ZBTB46: variants seen among roughly 807,000 people sequenced by gnomAD.
ZBTB46 encodes zinc finger and BTB domain containing 46.
ZBTB46 carries 8 observed loss-of-function variants against 44.1 expected under a neutral mutation model. That is an observed-to-expected ratio of 0.18 (90% CI 0.11 to 0.33). The LOEUF (loss-of-function observed/expected upper bound fraction) is 0.33, where lower values mean the gene tolerates loss of function less well. Among genes scored for constraint, ZBTB46 ranks in the 10% least tolerant of loss-of-function variants. The pLI is 1.00. For missense variants in ZBTB46, 651 were observed against 847.7 expected (o/e 0.77, Z 2.88); for synonymous variants, 409 against 382.3 (o/e 1.07, Z -0.81).
At chr20:63,784,279 C>T (rs1357525163) in intron 2 of ZBTB46, among the ~76,000 whole-genome samples, 3 of 152,210 alleles carry the variant, frequency 2.0e-5, no homozygotes, top group South Asian at 2.1e-4. Context: ...CGAAGACCAC[C>T]CTACCCTGAG....
At chr20:63,759,713 T>G (rs1361548635) in intron 3 of ZBTB46, among the ~76,000 whole-genome samples, 3 of 152,196 alleles carry the variant, frequency 2.0e-5, no homozygotes, top group Non-Finnish European at 4.4e-5. Context: ...TGGGCGTCTG[T>G]GTATCGTTCC....
At chr20:63,793,914 C>T (rs1221659476) in intron 1 of ZBTB46, among the ~76,000 whole-genome samples, 4 of 152,104 alleles carry the variant, frequency 2.6e-5, no homozygotes, top group African/African-American at 4.8e-5. Context: ...AGGCCAGGCG[C>T]GGTGGCTCAC....
At chr20:63,831,762 G>A (rs902914523), upstream of ZBTB46, among the ~76,000 whole-genome samples, 7 of 150,674 alleles carry the variant, frequency 4.6e-5, no homozygotes, top group Non-Finnish European at 4.4e-5. Context: ...GGGGCGCGCG[G>A]GTGCCCAGGT....
At chr20:63,766,169 G>A (rs1013116597) in intron 3 of ZBTB46, among the ~76,000 whole-genome samples, 2 of 148,126 alleles carry the variant, frequency 1.4e-5, no homozygotes, top group Non-Finnish European at 3.0e-5. Flanking sequence ...TGCCCAGGTT[G>A]AGACATATCA....
rs923207958 is a variant in ZBTB46 at position 63,749,383 on chromosome 20, C to A, written c.1399-2082G>T. On this transcript the variant is annotated intron_variant, in intron 4 of 4. Coordinates refer to ENST00000245663, the MANE Select transcript of ZBTB46 (RefSeq NM_001369741.1). ...ACAGAGTCTCGCTCTGTCACCCAGG[C>A]TGGAGTGTAGTGTTGCCATCTCGGC... Among the ~76,000 whole-genome samples, 17 of 152,330 alleles carry A rather than the reference C, an allele frequency of 1.1e-4. No homozygotes were observed. In the Middle Eastern group the frequency reaches 0.01, roughly 91 times the overall value.
At chr20:63,776,539 C>G (rs1323210118) in intron 2 of ZBTB46, among the ~76,000 whole-genome samples, 1 of 152,204 alleles carries the variant, frequency 6.6e-6, no homozygotes, top group Non-Finnish European at 1.5e-5. Context: ...TGCGGTGGCT[C>G]AAGCCTGTGA....
chr20:63,796,464 ATCTC>A (rs905342493), intron 1 of ZBTB46, among the ~76,000 whole-genome samples: 5 of 152,344 alleles, frequency 3.3e-5, no homozygotes, highest in South Asian at 2.1e-4. Context: ...TTCACACTTG[ATCTC>A]TCTGTTTTGC....
chr20:63,831,520 C>T (rs1197372981), upstream of ZBTB46, among the ~76,000 whole-genome samples: 3 of 147,588 alleles, frequency 2.0e-5, no homozygotes, highest in South Asian at 6.3e-4. Flanking sequence ...CGCGGGCAGC[C>T]GGACAGCGGA....
In ZBTB46 at chr20:63,767,844, C is replaced by T. The variant is rs1244260237; in HGVS notation, c.1222+7834G>A. On this transcript the variant is annotated intron_variant, in intron 3 of 4. Transcript: ENST00000245663. The surrounding 1 kb of genome is among the most constrained non-coding windows in gnomAD (Gnocchi z 5.0). ...CCATCCAGGGCTGGGCAAGTCCATCCAGGCCTGGGCTGGAAGAAGACTCCT... is the reference window on the plus strand; with the variant it reads ...CCATCCAGGGCTGGGCAAGTCCATCTAGGCCTGGGCTGGAAGAAGACTCCT... The T allele has an allele frequency of 3.1e-6, 3 of 980,294 alleles. No homozygotes were observed. The African/African-American group carries it at 5.3e-5, about 17-fold the overall frequency. The allele number at this position is 980,294 out of a possible 1,614,324, so 60.7% of individuals were successfully genotyped here. A position where few individuals can be genotyped will look rare whatever the true frequency, so the allele number is the denominator to read the frequency against.
At chr20:63,759,769 G>C (rs571114823) in intron 3 of ZBTB46, among the ~76,000 whole-genome samples, 1 of 152,086 alleles carries the variant, frequency 6.6e-6, no homozygotes, top group South Asian at 2.1e-4. Flanking sequence ...TAACCAAAAG[G>C]TTAACTTTTT....
intron 1 of ZBTB46, among the ~76,000 whole-genome samples, chr20:63,816,033 A>AGGTGCGGTGGGTGCAGGTGCGGTGGGCG (rs1568902571): frequency 7.3e-6 from 1 of 136,626 alleles, no homozygotes; most frequent in African/African-American, 2.8e-5. Flanking sequence ...GCAGGTGGGC[A>AGGTGCGGTGGGTGCAGGTGCGGTGGGCG]CAGGTGCGGT....
At position 63,781,140 on chromosome 20, in the gene ZBTB46, C is replaced by CAA. The variant is rs58102231; in HGVS notation, c.938-5180_938-5179dup. Among the ~76,000 whole-genome samples the CAA allele has an allele frequency of 2.5e-3, 211 of 83,756 alleles. 1 individual carries two copies. Among genetic ancestry groups the CAA allele is most frequent in the Middle Eastern group, 8.6e-3 (1 of 116 alleles). 54.9% of individuals were successfully genotyped at this position (83,756 alleles called of 152,430 possible). ...TGGGTGGCAGAGCAAGACTCTGCCTCAAAAAAAAAAAAAAAAAAAAAAAGA... is the reference window on the plus strand; with the variant it reads ...TGGGTGGCAGAGCAAGACTCTGCCTCAAAAAAAAAAAAAAAAAAAAAAAAAGA... On this transcript the variant is annotated intron_variant, in intron 2 of 4. Coordinates refer to ENST00000245663, the MANE Select transcript of ZBTB46 (RefSeq NM_001369741.1).
In ZBTB46 at chr20:63,752,918, C is replaced by T; in HGVS notation, c.1223-57G>A. 1.3e-6 allele frequency: 2 copies of T among 1,527,874 alleles called. No homozygotes were observed. The highest frequency in any genetic ancestry group is 3.7e-5 in the Admixed American group (2 of 54,070). The allele number at this position is 1,527,874 out of a possible 1,614,324, so 94.6% of individuals were successfully genotyped here. ...GGGCTTGGGATGTACCGCCCTGCGG[C>T]CCACAGACCACGGCTGCACGCCGCA... is the stretch of plus-strand genomic sequence containing the variant. On this transcript the variant is annotated intron_variant, in intron 3 of 4. Transcript: ENST00000245663. The surrounding 1 kb of genome is among the most constrained non-coding windows in gnomAD (Gnocchi z 5.6).
chr20:63,821,473 C>G (rs1181094723), intron 1 of ZBTB46, among the ~76,000 whole-genome samples: 2 of 148,886 alleles, frequency 1.3e-5, no homozygotes, highest in Admixed American at 6.7e-5. Flanking sequence ...GAGTTTCCCT[C>G]TTGTTGCCCA....
intron 3 of ZBTB46, among the ~76,000 whole-genome samples, chr20:63,757,703 C>T (rs1180252853): frequency 1.3e-5 from 2 of 152,166 alleles, no homozygotes; most frequent in Admixed American, 6.5e-5. Flanking sequence ...GATGCCCTGA[C>T]ATCTGGGGTC....
chr20:63,828,767 C>T (rs941318514), intron 1 of ZBTB46, among the ~76,000 whole-genome samples: 2 of 152,242 alleles, frequency 1.3e-5, no homozygotes, highest in African/African-American at 4.8e-5. Flanking sequence ...GGAGCGGGTG[C>T]CTGGGCACCA....
In ZBTB46 at chr20:63,745,561, C is replaced by A. The variant is rs776749500; in HGVS notation, c.*1369G>T. 2 of 152,328 alleles carry A rather than the reference C, an allele frequency of 1.3e-5. No homozygotes were observed. Among genetic ancestry groups the A allele is most frequent in the Non-Finnish European group, 2.9e-5 (2 of 68,086 alleles). The allele number at this position is 152,328 out of a possible 1,614,324, so 9.4% of individuals were successfully genotyped here. On this transcript the variant is annotated 3_prime_UTR_variant, in exon 5 of 5. Coordinates refer to ENST00000245663, the MANE Select transcript of ZBTB46 (RefSeq NM_001369741.1). ...CTCAGCACTCCGGGGGGTCTTCACA[C>A]GGGCAGGTCCTGGAGGGAAGGAGGA...
chr20:63,744,542 AT>A lies in ZBTB46; in HGVS notation c.*2387del, dbSNP rs1352102368. ...ACATTTTTCCTCTTCATAAAAAAAT[AT>A]TTATTAGTTTGAACATCGATTTAAA... On this transcript the variant is annotated 3_prime_UTR_variant, in exon 5 of 5. Transcript: ENST00000245663. 1 of 152,340 alleles carries A rather than the reference AT, an allele frequency of 6.6e-6. No homozygotes were observed. The highest frequency in any genetic ancestry group is 1.5e-5 in the Non-Finnish European group (1 of 68,038). 9.4% of individuals were successfully genotyped at this position (152,340 alleles called of 1,614,324 possible). A position where few individuals can be genotyped will look rare whatever the true frequency, so the allele number is the denominator to read the frequency against.
chr20:63,805,868 G>A (rs2092678141), intron 1 of ZBTB46, among the ~76,000 whole-genome samples: 1 of 151,950 alleles, frequency 6.6e-6, no homozygotes, highest in Non-Finnish European at 1.5e-5. Context: ...CGCCTCCTGG[G>A]TTCAAGTGAT....
Sources: gnomAD v4.1 joint callset for allele counts (sites outside exome capture counted in the v4.1 genomes callset) on GRCh38, gnomAD v4.1.1 for gene constraint, Gnocchi (gnomAD v3.1) non-coding constraint, MANE v1.5 for transcripts, NCBI Gene and HGNC (gene_info 2026-07-23, HGNC 2026-07-21) for gene names.